EFHD2: variants seen among roughly 807,000 people sequenced by gnomAD.
EFHD2 encodes EF-hand domain-containing protein D2.
EFHD2 carries 12 observed loss-of-function variants against 20.3 expected under a neutral mutation model. The observed-to-expected ratio is 0.59, with a 90% CI of 0.38 to 0.96. The LOEUF (loss-of-function observed/expected upper bound fraction) is 0.96, where lower values mean the gene tolerates loss of function less well. EFHD2 is among the 40% of genes least tolerant of loss of function. EFHD2 has a pLI of 0.00. For missense variants in EFHD2, 250 were observed against 334.3 expected (o/e 0.75, Z 1.97); for synonymous variants, 131 against 143.9 (o/e 0.91, Z 0.64).
At chr1:15,423,977 C>T (rs565085405) in intron 1 of EFHD2, among the ~76,000 whole-genome samples, 37 of 152,028 alleles carry the variant, frequency 2.4e-4, no homozygotes, top group Non-Finnish European at 4.4e-4. Flanking sequence ...ATTGCTTGAG[C>T]CCAGGAGTTT....
chr1:15,425,901 C>T lies in EFHD2; in HGVS notation c.339C>T (p.Asp113=), dbSNP rs748011311. ...ATGCCGGGCGGGACGGCTTCATCGA[C>T]CTGATGGAGCTAAAACTCATGATGG... is the stretch of plus-strand genomic sequence containing the variant. The part of the protein sequence containing the change: ...QYDAGRDGFI[D]LMELKLMMEK... Residue 113 remains aspartate (D), a synonymous_variant, in exon 2 of 4, where the codon GAC becomes GAT. Coordinates refer to ENST00000375980, the MANE Select transcript of EFHD2 (RefSeq NM_024329.6). 1.1e-5 allele frequency: 17 copies of T among 1,606,574 alleles called. No individual in the cohort carries two copies. Among genetic ancestry groups the T allele is most frequent in the Non-Finnish European group, 1.4e-5 (16 of 1,176,958 alleles).
chr1:15,417,930 G>A (rs1004708575), intron 1 of EFHD2, among the ~76,000 whole-genome samples: 1 of 150,544 alleles, frequency 6.6e-6, no homozygotes, highest in Non-Finnish European at 1.5e-5. Flanking sequence ...CCATCAGACT[G>A]TGCAGTGCAG....
Position 15,429,967 on chromosome 1 carries a change from T to C in EFHD2, c.*1243T>C, listed in dbSNP as rs1425531280. 1.3e-5 allele frequency: 2 copies of C among 152,736 alleles called. No homozygotes were observed. The highest frequency in any genetic ancestry group is 4.8e-5 in the African/African-American group (2 of 41,478). 9.5% of individuals were successfully genotyped at this position (152,736 alleles called of 1,614,324 possible). A position where few individuals can be genotyped will look rare whatever the true frequency, so the allele number is the denominator to read the frequency against. On this transcript the variant is annotated 3_prime_UTR_variant, in exon 4 of 4. Coordinates refer to ENST00000375980, the MANE Select transcript of EFHD2 (RefSeq NM_024329.6). ...AGTGAGTGGCCCTCGAGGCCACAGTTATGCAACTTTCAGTGTGTGTCATAA... is the reference window on the plus strand; with the variant it reads ...AGTGAGTGGCCCTCGAGGCCACAGTCATGCAACTTTCAGTGTGTGTCATAA...
Position 15,413,723 on chromosome 1 carries a change from C to T in EFHD2, c.308+3444C>T, listed in dbSNP as rs751699865. Among the ~76,000 whole-genome samples the T allele has an allele frequency of 2.6e-5, 4 of 152,174 alleles. No individual in the cohort carries two copies. Among genetic ancestry groups the T allele is most frequent in the Non-Finnish European group, 4.4e-5 (3 of 68,022 alleles). On this transcript the variant is annotated intron_variant, in intron 1 of 3. Coordinates refer to ENST00000375980, the MANE Select transcript of EFHD2 (RefSeq NM_024329.6). The surrounding 1 kb of genome is among the most constrained non-coding windows in gnomAD (Gnocchi z 4.4). The stretch of plus-strand genomic sequence containing the variant: ...TGTGGCGGTGACTTGCTCGGGGTTA[C>T]GGAGAGGTTCTCAGTGAGGCTGAAA...
intron 3 of EFHD2, 25 bp from the exon 4 acceptor site, chr1:15,428,568 C>A (rs1707910987): frequency 1.2e-6 from 2 of 1,607,998 alleles, no homozygotes. Flanking sequence ...CCAGCCCTGA[C>A]CCCCTCACCC....
intron 1 of EFHD2, among the ~76,000 whole-genome samples, chr1:15,419,924 G>A (rs1707759887): frequency 6.6e-6 from 1 of 152,214 alleles, no homozygotes; most frequent in Non-Finnish European, 1.5e-5. Flanking sequence ...CTCTCTCCCT[G>A]TTCAAGGGCT....
At chr1:15,423,718 G>A (rs1338955085) in intron 1 of EFHD2, among the ~76,000 whole-genome samples, 3 of 152,174 alleles carry the variant, frequency 2.0e-5, no homozygotes, top group African/African-American at 4.8e-5. Flanking sequence ...TAGAGAAGGC[G>A]AAAGGAGCTG....
In EFHD2 at chr1:15,429,502, C is replaced by A. The variant is rs563284280; in HGVS notation, c.*778C>A. The A allele has an allele frequency of 1.3e-5, 2 of 152,688 alleles. No individual in the cohort carries two copies. Among genetic ancestry groups the A allele is most frequent in the East Asian group, 1.9e-4 (1 of 5,170 alleles). 9.5% of individuals were successfully genotyped at this position (152,688 alleles called of 1,614,324 possible). Reference sequence around the variant, plus strand: ...GGGAAGGCTCTGGGGGTCGGAGACACCGCTGCTTAGCACCCCCAGCCAGAA... The same window carrying A: ...GGGAAGGCTCTGGGGGTCGGAGACAACGCTGCTTAGCACCCCCAGCCAGAA... On this transcript the variant is annotated 3_prime_UTR_variant, in exon 4 of 4. Coordinates refer to ENST00000375980, the MANE Select transcript of EFHD2 (RefSeq NM_024329.6).
rs571698951 is a variant in EFHD2, at chr1:15,413,398, C to T, written c.308+3119C>T. Among the ~76,000 whole-genome samples the T allele has an allele frequency of 4.5e-4, 68 of 152,282 alleles. No individual in the cohort carries two copies. Among genetic ancestry groups the T allele is most frequent in the African/African-American group, 1.5e-3 (63 of 41,554 alleles). On this transcript the variant is annotated intron_variant, in intron 1 of 3. Coordinates refer to ENST00000375980, the MANE Select transcript of EFHD2 (RefSeq NM_024329.6). The surrounding 1 kb of genome is among the most constrained non-coding windows in gnomAD (Gnocchi z 4.4). ...CACCTGTAAAAGGGGCAGGCTATCC[C>T]TCATGACCCCCAAAGGTCCTTCAGC... is the stretch of plus-strand genomic sequence containing the variant.
intron 1 of EFHD2, among the ~76,000 whole-genome samples, chr1:15,422,796 G>A (rs1707815669): frequency 1.3e-5 from 2 of 152,174 alleles, no homozygotes; most frequent in African/African-American, 4.8e-5. Context: ...AGGAGGCAGA[G>A]CTTGCAGTGA....
At chr1:15,423,428 C>T (rs1707825648) in intron 1 of EFHD2, among the ~76,000 whole-genome samples, 1 of 152,216 alleles carries the variant, frequency 6.6e-6, no homozygotes, top group Non-Finnish European at 1.5e-5. Flanking sequence ...CAAATGCTCC[C>T]CTTGTGCTCC....
intron 1 of EFHD2, among the ~76,000 whole-genome samples, chr1:15,425,587 C>G (rs1285838316): frequency 1.3e-5 from 2 of 152,038 alleles, no homozygotes; most frequent in South Asian, 4.1e-4. Flanking sequence ...GCACACGGAG[C>G]CTGTCATTTC....
At position 15,430,081 on chromosome 1, in the gene EFHD2, A is replaced by G. The variant is rs969648593; in HGVS notation, c.*1357A>G. 1.3e-5 allele frequency: 2 copies of G among 152,606 alleles called. No individual in the cohort carries two copies. Among genetic ancestry groups the G allele is most frequent in the African/African-American group, 2.4e-5 (1 of 41,436 alleles). The allele number at this position is 152,606 out of a possible 1,614,324, so 9.5% of individuals were successfully genotyped here. A position where few individuals can be genotyped will look rare whatever the true frequency, so the allele number is the denominator to read the frequency against. On this transcript the variant is annotated 3_prime_UTR_variant, in exon 4 of 4. Coordinates refer to ENST00000375980, the MANE Select transcript of EFHD2 (RefSeq NM_024329.6). ...AGCTACGCGGACTTGCAGAGGTTTT[A>G]TTTTTTGGCCTTAGAATCTGCAGAA... is the stretch of plus-strand genomic sequence containing the variant.
chr1:15,424,441 T>C (rs1262673814), intron 1 of EFHD2, among the ~76,000 whole-genome samples: 1 of 152,158 alleles, frequency 6.6e-6, no homozygotes, highest in Non-Finnish European at 1.5e-5. Flanking sequence ...CAAGAGGGAC[T>C]TGCCCCCAAC....
Position 15,429,232 on chromosome 1 carries a change from A to T in EFHD2, c.*508A>T, listed in dbSNP as rs112780652. The T allele has an allele frequency of 9.0e-3, 1,431 of 158,232 alleles. 23 individuals are homozygous for T. The highest frequency in any genetic ancestry group is 0.029 in the African/African-American group (1,186 of 41,592). 9.8% of individuals were successfully genotyped at this position (158,232 alleles called of 1,614,324 possible). On this transcript the variant is annotated 3_prime_UTR_variant, in exon 4 of 4. Transcript: ENST00000375980. ...CCCACAGAGTGGGACCCAAGGGGCT[A>T]ATTGGAGGCACGAGGGGACCCCTCC... is the stretch of plus-strand genomic sequence containing the variant.
Position 15,410,131 on chromosome 1 carries a change from G to C in EFHD2, c.160G>C (p.Glu54Gln), listed in dbSNP as rs762618312. The C allele has an allele frequency of 6.3e-7, 1 of 1,583,558 alleles. No individual in the cohort carries two copies. The highest frequency in any genetic ancestry group is 1.4e-5 in the African/African-American group (1 of 71,222). ...CGAGGCGCTGGGCAGCGCGGACTGC[G>C]AGCTGAGCGCCAAGCTGCTGCGGCG... ...AAEALGSADC[E>Q]LSAKLLRRAD... Residue 54 changes from glutamate to glutamine, a missense_variant, in exon 1 of 4, where the codon GAG (glutamate) becomes CAG (glutamine). By Grantham distance (29) the Glu-to-Gln change is conservative. Transcript: ENST00000375980.
chr1:15,410,272 T>C lies in EFHD2; in HGVS notation c.301T>C (p.Phe101Leu). 6.3e-7 allele frequency: 1 copy of C among 1,595,762 alleles called. No homozygotes were observed. The highest frequency in any genetic ancestry group is 8.5e-7 in the Non-Finnish European group (1 of 1,172,618). Residue 101 changes from phenylalanine (F) to leucine (L), a missense_variant, in exon 1 of 4, where the codon TTC becomes CTC. Coordinates refer to ENST00000375980, the MANE Select transcript of EFHD2 (RefSeq NM_024329.6). ...GCAGATCAAGGACATGGAGAAGATGTTCAAGCAGTAAGTGCCCGCGCGACC... is the reference window on the plus strand; with the variant it reads ...GCAGATCAAGGACATGGAGAAGATGCTCAAGCAGTAAGTGCCCGCGCGACC... ...RKQIKDMEKM[F>L]KQYDAGRDGF...
rs76010606 is a variant in EFHD2, at chr1:15,415,109, G to A, written c.308+4830G>A. Among the ~76,000 whole-genome samples the A allele has an allele frequency of 4.8e-3, 734 of 152,286 alleles. 6 individuals carry two copies. Among genetic ancestry groups the A allele is most frequent in the African/African-American group, 0.015 (636 of 41,544 alleles). On this transcript the variant is annotated intron_variant, in intron 1 of 3. Coordinates refer to ENST00000375980, the MANE Select transcript of EFHD2 (RefSeq NM_024329.6). ...TGTTTTTGAAAAATACAAGGTTCTCGTATGTGATCATTCTTCCAACAGATA... is the reference window on the plus strand; with the variant it reads ...TGTTTTTGAAAAATACAAGGTTCTCATATGTGATCATTCTTCCAACAGATA...
intron 1 of EFHD2, among the ~76,000 whole-genome samples, chr1:15,416,737 G>A (rs979226531): frequency 6.6e-6 from 1 of 151,066 alleles, no homozygotes; most frequent in Admixed American, 6.6e-5. Flanking sequence ...CCAAACACCA[G>A]CAGCTTCACC....
Sources: gnomAD v4.1 joint callset for allele counts (sites outside exome capture counted in the v4.1 genomes callset) on GRCh38, gnomAD v4.1.1 for gene constraint, Gnocchi (gnomAD v3.1) non-coding constraint, MANE v1.5 for transcripts, NCBI Gene and HGNC (gene_info 2026-07-23, HGNC 2026-07-21) for gene names.